The following VWA8 variants were observed in gnomAD, a reference collection of about 807,000 sequenced individuals.
VWA8 encodes von Willebrand factor A domain containing 8, also known as von Willebrand factor A domain-containing protein 8.
In VWA8, 221 loss-of-function variants were observed where a neutral mutation model predicts 241.5. The observed-to-expected ratio is 0.91, with a 90% CI of 0.82 to 1.02. VWA8 has a LOEUF of 1.02. VWA8 is among the 50% of genes least tolerant of loss of function. The pLI, the probability that VWA8 is intolerant of heterozygous loss-of-function variation, is 0.00. For synonymous variants in VWA8, 852 were observed against 827.1 expected, an observed-to-expected ratio of 1.03 and a Z score of -0.52; for missense variants, 2,322 against 2,328.7, an observed-to-expected ratio of 1.00 and a Z score of 0.06.
rs376497642 is a variant in VWA8, at chr13:41,935,733, G to C, written c.241+14203C>G. ...TCTAAACACAGACAGACATGTAATA[G>C]ACCTATAAAGGTGCTTCAAATTGTT... is the stretch of plus-strand genomic sequence containing the variant. On this transcript the variant is annotated intron_variant, in intron 2 of 44. Transcript: ENST00000379310. Among the ~76,000 whole-genome samples, 5 of 151,078 alleles carry C rather than the reference G, an allele frequency of 3.3e-5. No individual in the cohort carries two copies. The South Asian group carries it at 1.0e-3, about 32-fold the overall frequency.
chr13:41,719,008 C>T (rs1351878767), intron 26 of VWA8, among the ~76,000 whole-genome samples: 1 of 151,856 alleles, frequency 6.6e-6, no homozygotes, highest in African/African-American at 2.4e-5. Context: ...TTCTGATCAA[C>T]ACCATATGTG....
intron 20 of VWA8, among the ~76,000 whole-genome samples, chr13:41,775,929 T>C (rs1053026504): frequency 3.3e-5 from 5 of 152,106 alleles, no homozygotes; most frequent in Admixed American, 2.0e-4. Context: ...ACTTCAACCT[T>C]TTAAACTAGA....
chr13:41,797,484 A>G (rs1001009139), intron 17 of VWA8, among the ~76,000 whole-genome samples: 1 of 152,180 alleles, frequency 6.6e-6, no homozygotes, highest in Non-Finnish European at 1.5e-5. Context: ...GTAAATCTCT[A>G]TCTTTACTAA....
intron 17 of VWA8, 105 bp downstream of exon 17, chr13:41,811,120 C>A: frequency 1.5e-5 from 14 of 936,534 alleles, no homozygotes; most frequent in Non-Finnish European, 2.3e-5. Context: ...TACATTCAGA[C>A]CAATATATTT....
At chr13:41,692,758 TACA>T in intron 30 of VWA8, 101 bp downstream of exon 30, 1 of 785,022 alleles carries the variant, frequency 1.3e-6, no homozygotes, top group Non-Finnish European at 2.1e-6. Flanking sequence ...TCTTGTGCAT[TACA>T]ACAAAAAAGG....
intron 9 of VWA8, among the ~76,000 whole-genome samples, chr13:41,882,308 T>C (rs1460321559): frequency 6.7e-6 from 1 of 150,108 alleles, no homozygotes; most frequent in Non-Finnish European, 1.5e-5. Context: ...GAGACGCTCC[T>C]CACTTTCCAG....
intron 9 of VWA8, among the ~76,000 whole-genome samples, chr13:41,875,886 G>A (rs1873874507): frequency 6.6e-6 from 1 of 151,976 alleles, no homozygotes; most frequent in Admixed American, 6.6e-5. Flanking sequence ...GACATTTTCA[G>A]TTGGCTAATA....
Position 41,941,408 on chromosome 13 carries a change from G to A in VWA8, c.241+8528C>T, listed in dbSNP as rs899894188. Among the ~76,000 whole-genome samples the A allele has an allele frequency of 2.6e-5, 4 of 152,142 alleles. 1 individual carries two copies. Among genetic ancestry groups the A allele is most frequent in the Admixed American group, 6.6e-5 (1 of 15,266 alleles). Reference sequence around the variant, plus strand: ...CTATCAGGCAATGACAATGCTTCACGTCTAAGTGAGACTGAAAATGCCAAC... The same window carrying A: ...CTATCAGGCAATGACAATGCTTCACATCTAAGTGAGACTGAAAATGCCAAC... On this transcript the variant is annotated intron_variant, in intron 2 of 44. Transcript: ENST00000379310.
At chr13:41,742,855 T>C (rs551758839) in intron 21 of VWA8, among the ~76,000 whole-genome samples, 9 of 152,254 alleles carry the variant, frequency 5.9e-5, no homozygotes, top group African/African-American at 1.2e-4. Flanking sequence ...TTATCAAACA[T>C]AGAAAGGCTC....
chr13:41,905,178 C>A (rs987164965), intron 4 of VWA8: 1 of 151,872 alleles, frequency 6.6e-6, no homozygotes, highest in Non-Finnish European at 1.5e-5. Context: ...TTAGCATGAC[C>A]CCTCCTCAAG....
intron 34 of VWA8, among the ~76,000 whole-genome samples, chr13:41,688,764 C>T (rs186094260): frequency 1.3e-5 from 2 of 152,084 alleles, no homozygotes; most frequent in African/African-American, 2.4e-5. Context: ...CAAGTGGGAG[C>T]GAAACATCGA....
At chr13:41,763,772 T>C (rs2045759936) in intron 20 of VWA8, among the ~76,000 whole-genome samples, 1 of 152,188 alleles carries the variant, frequency 6.6e-6, no homozygotes, top group African/African-American at 2.4e-5. Context: ...AAATGTGCTA[T>C]CAGGGAGTTC....
chr13:41,935,444 G>C (rs1311596792), intron 2 of VWA8, among the ~76,000 whole-genome samples: 1 of 151,978 alleles, frequency 6.6e-6, no homozygotes, highest in Non-Finnish European at 1.5e-5. Flanking sequence ...CATAAAGCAT[G>C]AACTTATTTT....
chr13:41,687,073 AT>A (rs1190132878), intron 34 of VWA8, among the ~76,000 whole-genome samples: 3 of 152,090 alleles, frequency 2.0e-5, no homozygotes, highest in Non-Finnish European at 4.4e-5. Context: ...AGTTTTAAGA[AT>A]CTTTATAGAC....
Position 41,960,965 on chromosome 13 carries a change from C to CACCCGCAT in VWA8, c.50_51insATGCGGGT (p.Ala18CysfsTer53). 1 of 1,441,296 alleles carries CACCCGCAT rather than the reference C, an allele frequency of 6.9e-7. No homozygotes were observed. The highest frequency in any genetic ancestry group is 1.4e-5 in the South Asian group (1 of 70,564). The allele number at this position is 1,441,296 out of a possible 1,614,324, so 89.3% of individuals were successfully genotyped here. A position where few individuals can be genotyped will look rare whatever the true frequency, so the allele number is the denominator to read the frequency against. On this transcript the variant is annotated frameshift_variant, in exon 1 of 45. Transcript: ENST00000379310. LOFTEE classifies it high-confidence loss of function. ...GGAGCAGCCGCATGCGCCGCGAGGC[C>CACCCGCAT]GGGCCGCCGTGGCCTCCGGGTGCCC...
chr13:41,684,610 A>C (rs567602816), intron 35 of VWA8, among the ~76,000 whole-genome samples: 1 of 152,316 alleles, frequency 6.6e-6, no homozygotes, highest in East Asian at 1.9e-4. Context: ...AGGAAAGGAG[A>C]TCATCCCAGG....
chr13:41,676,292 G>A lies in VWA8; in HGVS notation c.4328-996C>T, dbSNP rs868445232. Among the ~76,000 whole-genome samples the A allele has an allele frequency of 5.3e-5, 8 of 152,228 alleles. 1 individual carries two copies. In the Middle Eastern group the frequency reaches 0.027, roughly 518 times the overall value. ...GGTTGTATCTGTAATCTGGAAAAGA[G>A]ATTAGTATGTGAGTCTGAGGGAACC... On this transcript the variant is annotated intron_variant, in intron 35 of 44. Coordinates refer to ENST00000379310, the MANE Select transcript of VWA8 (RefSeq NM_015058.2).
intron 19 of VWA8, 139 bp downstream of exon 19, chr13:41,783,656 G>T: frequency 1.9e-5 from 8 of 419,824 alleles, no homozygotes; most frequent in East Asian, 4.9e-5. Flanking sequence ...AAAAAAAAAA[G>T]ATGTTCAACA....
chr13:41,939,068 G>C (rs929545180), intron 2 of VWA8, among the ~76,000 whole-genome samples: 1 of 152,092 alleles, frequency 6.6e-6, no homozygotes, highest in Non-Finnish European at 1.5e-5. Context: ...AGAAATCTTT[G>C]TGGGCCCTAA....
Sources: allele counts gnomAD v4.1 joint callset (sites outside exome capture counted in the v4.1 genomes callset), GRCh38; gene constraint gnomAD v4.1.1; transcripts MANE v1.5; gene names NCBI Gene and HGNC (gene_info 2026-07-23, HGNC 2026-07-21).